The following XPO4 variants were observed in gnomAD, a reference collection of about 807,000 sequenced individuals.
XPO4 encodes exportin 4, also known as exportin-4.
A neutral mutation model predicts 143.0 loss-of-function variants in XPO4; 39 were observed. The observed-to-expected ratio is 0.27, with a 90% CI of 0.21 to 0.36. XPO4 has a LOEUF of 0.36. Among genes scored for constraint, XPO4 ranks in the 10% least tolerant of loss-of-function variants. The pLI, the probability that XPO4 is intolerant of heterozygous loss-of-function variation, is 1.00. For missense variants in XPO4, 907 were observed against 1,348.0 expected, an observed-to-expected ratio of 0.67 and a Z score of 5.12; for synonymous variants, 439 against 474.0, an observed-to-expected ratio of 0.93 and a Z score of 0.96.
intron 4 of XPO4, chr13:20,852,376 C>G: frequency 1.0e-6 from 1 of 985,370 alleles, no homozygotes; most frequent in African/African-American, 1.7e-5. Context: ...AGTTGCAAAC[C>G]TTTTCTCTGC....
At position 20,796,829 on chromosome 13, in the gene XPO4, T is replaced by G. The variant is rs1376462081; in HGVS notation, c.2551A>C (p.Thr851Pro). 3 of 1,613,942 alleles carry G rather than the reference T, an allele frequency of 1.9e-6. No homozygotes were observed. Among genetic ancestry groups the G allele is most frequent in the Non-Finnish European group, 2.5e-6 (3 of 1,179,978 alleles). ...AAAACTTCTATAATGAGATTGACAG[T>G]CTCTGGGGTATTCTTGTAAACTTCC... ...LMEVYKNTPE[T>P]VNLIIEVFVE... Residue 851 changes from threonine (T) to proline (P), a missense_variant, in exon 17 of 23, where the codon ACT (threonine) becomes CCT (proline). Physicochemically the swap from Thr to Pro is conservative, Grantham distance 38 (BLOSUM62 -1). Transcript: ENST00000255305.
intron 19 of XPO4, 27 bp downstream of exon 19, chr13:20,790,435 A>C: frequency 4.9e-5 from 72 of 1,460,390 alleles, no homozygotes; most frequent in Non-Finnish European, 6.3e-5. Context: ...ACATAGTGGT[A>C]TGTTCACATT....
In XPO4 at chr13:20,780,033, C is replaced by A. The variant is rs2059123232; in HGVS notation, c.*3689G>T. The A allele has an allele frequency of 6.6e-6, 1 of 152,136 alleles. No homozygotes were observed. Among genetic ancestry groups the A allele is most frequent in the Admixed American group, 6.5e-5 (1 of 15,268 alleles). The allele number at this position is 152,136 out of a possible 1,614,324, so 9.4% of individuals were successfully genotyped here. On this transcript the variant is annotated 3_prime_UTR_variant, in exon 23 of 23. Transcript: ENST00000255305. ...TAAAAAGATTAAAACATTATTATAT[C>A]CTCAAATCAACAATGTTTTTTTGTG... is the stretch of plus-strand genomic sequence containing the variant.
chr13:20,865,605 T>C (rs992250077), intron 2 of XPO4: 1 of 958,464 alleles, frequency 1.0e-6, no homozygotes, highest in Non-Finnish European at 1.2e-6. Context: ...TTGTCAGCCA[T>C]CTGAAACTAA....
At position 20,902,656 on chromosome 13, in the gene XPO4, C is replaced by A. The variant is rs1478558505; in HGVS notation, c.69+14G>T. ...CCCGCGAATCCCGGGGTCTGAGGGGCGCGGCGTCCTCACCATCAGAACTTT... is the reference window on the plus strand; with the variant it reads ...CCCGCGAATCCCGGGGTCTGAGGGGAGCGGCGTCCTCACCATCAGAACTTT... On this transcript the variant is annotated intron_variant, in intron 1 of 22. Transcript: ENST00000255305. 1 of 1,561,368 alleles carries A rather than the reference C, an allele frequency of 6.4e-7. No homozygotes were observed. Among genetic ancestry groups the A allele is most frequent in the Admixed American group, 1.9e-5 (1 of 53,728 alleles).
intron 19 of XPO4, among the ~76,000 whole-genome samples, chr13:20,789,652 C>T (rs941536352): frequency 6.6e-6 from 1 of 151,812 alleles, no homozygotes; most frequent in African/African-American, 2.4e-5. Flanking sequence ...TCGTGATCCA[C>T]CCACCTCGGC....
chr13:20,789,084 C>T (rs961045100), intron 19 of XPO4, among the ~76,000 whole-genome samples: 1 of 152,162 alleles, frequency 6.6e-6, no homozygotes, highest in Non-Finnish European at 1.5e-5. Context: ...TCCAGTTGTA[C>T]TATCCTAGAG....
At chr13:20,812,850 TA>T (rs2059600563) in intron 9 of XPO4, among the ~76,000 whole-genome samples, 1 of 151,546 alleles carries the variant, frequency 6.6e-6, no homozygotes. Flanking sequence ...TTCCATATTT[TA>T]AATACAGAAT....
chr13:20,891,336 A>C (rs1346523608), intron 1 of XPO4, among the ~76,000 whole-genome samples: 1 of 152,106 alleles, frequency 6.6e-6, no homozygotes, highest in Non-Finnish European at 1.5e-5. Flanking sequence ...TTACTCTAGA[A>C]GAAATCTAAT....
At chr13:20,889,687 C>T (rs547647524) in intron 1 of XPO4, among the ~76,000 whole-genome samples, 7 of 152,268 alleles carry the variant, frequency 4.6e-5, no homozygotes, top group Non-Finnish European at 1.0e-4. Flanking sequence ...CATTGACAGT[C>T]ATTACACGAG....
chr13:20,878,749 G>A lies in XPO4; in HGVS notation c.70-10048C>T, dbSNP rs191342220. On this transcript the variant is annotated intron_variant, in intron 1 of 22. Transcript: ENST00000255305. ...GAACAGTGTCTACAGGACTCAAAGG[G>A]GGCTTCAATTATATCTGTGATATCT... is the stretch of plus-strand genomic sequence containing the variant. 1.7e-4 allele frequency among the ~76,000 whole-genome samples: 26 copies of A among 152,202 alleles called. No homozygotes were observed. In the East Asian group the frequency reaches 3.5e-3, roughly 20 times the overall value.
chr13:20,785,988 A>C (rs971215450), intron 22 of XPO4, among the ~76,000 whole-genome samples: 2 of 150,376 alleles, frequency 1.3e-5, no homozygotes, highest in African/African-American at 2.5e-5. Flanking sequence ...GGAAGGAAGG[A>C]AGGAAGGAAG....
Position 20,783,901 on chromosome 13 carries a change from C to T in XPO4, c.3277G>A (p.Val1093Ile). The T allele has an allele frequency of 3.7e-6, 6 of 1,614,124 alleles. No homozygotes were observed. Among genetic ancestry groups the T allele is most frequent in the Non-Finnish European group, 5.1e-6 (6 of 1,180,014 alleles). ...TGCTGACTTGATAGTAATGTTTCGACCAGTTCAGAATATTCAGCCTATTGA... is the reference window on the plus strand; with the variant it reads ...TGCTGACTTGATAGTAATGTTTCGATCAGTTCAGAATATTCAGCCTATTGA... The part of the protein sequence containing the change: ...CLHQAEYSEL[V>I]ETLLSSQQDP... Residue 1093 changes from valine (V) to isoleucine (I), a missense_variant, in exon 23 of 23, where the codon GTC becomes ATC. By Grantham distance (29) the Val-to-Ile change is conservative. Transcript: ENST00000255305.
At chr13:20,801,311 A>G (rs907949743) in intron 13 of XPO4, among the ~76,000 whole-genome samples, 1 of 152,232 alleles carries the variant, frequency 6.6e-6, no homozygotes, top group Non-Finnish European at 1.5e-5. Context: ...CAGGAGAAAT[A>G]CATCAAATTA....
intron 6 of XPO4, among the ~76,000 whole-genome samples, chr13:20,830,845 AT>A (rs1196181186): frequency 2.0e-5 from 3 of 152,156 alleles, no homozygotes; most frequent in Admixed American, 2.0e-4. Flanking sequence ...TATGCATTGT[AT>A]AATGTTTAAT....
At chr13:20,820,282 GA>G (rs2059702579) in intron 9 of XPO4, among the ~76,000 whole-genome samples, 1 of 152,178 alleles carries the variant, frequency 6.6e-6, no homozygotes, top group South Asian at 2.1e-4. Context: ...AAATTGTCAA[GA>G]TGTCAGTGTC....
chr13:20,785,758 T>G (rs2059192647), intron 22 of XPO4, among the ~76,000 whole-genome samples: 1 of 146,324 alleles, frequency 6.8e-6, no homozygotes, highest in Admixed American at 6.9e-5. Flanking sequence ...TTTCCTGCAG[T>G]GTGTAAATAT....
At chr13:20,797,630 G>T (rs1228191492) in intron 16 of XPO4, among the ~76,000 whole-genome samples, 1 of 152,100 alleles carries the variant, frequency 6.6e-6, no homozygotes, top group Middle Eastern at 3.2e-3. Flanking sequence ...GTTTCCCCTG[G>T]ATTTGAAGTC....
At chr13:20,793,499 A>AATT (rs2141499403) in intron 18 of XPO4, among the ~76,000 whole-genome samples, 1 of 152,278 alleles carries the variant, frequency 6.6e-6, no homozygotes, top group African/African-American at 2.4e-5. Flanking sequence ...CTGCACCATA[A>AATT]ACCTGGGAGA....
Sources: gnomAD v4.1 joint callset for allele counts (sites outside exome capture counted in the v4.1 genomes callset) on GRCh38, gnomAD v4.1.1 for gene constraint, MANE v1.5 for transcripts, NCBI Gene and HGNC (gene_info 2026-07-23, HGNC 2026-07-21) for gene names.